The following GPHN variants were observed in gnomAD, a reference collection of about 807,000 sequenced individuals.
GPHN encodes the protein gephyrin.
A neutral mutation model predicts 95.5 loss-of-function variants in GPHN; 17 were observed. That is an observed-to-expected ratio of 0.18 (90% CI 0.12 to 0.27). The LOEUF (loss-of-function observed/expected upper bound fraction) is 0.27. Among genes scored for constraint, GPHN ranks in the 10% least tolerant of loss-of-function variants. The pLI is 1.00. For missense variants in GPHN, 660 were observed against 978.1 expected, an observed-to-expected ratio of 0.67 and a Z score of 4.34; for synonymous variants, 320 against 322.5, an observed-to-expected ratio of 0.99 and a Z score of 0.08.
intron 4 of GPHN, among the ~76,000 whole-genome samples, chr14:66,828,920 A>G (rs1203871508): frequency 1.8e-4 from 28 of 152,116 alleles, no homozygotes; most frequent in Non-Finnish European, 1.0e-4. Flanking sequence ...GCATCATAGA[A>G]TATGGTTCAT....
chr14:66,557,282 T>TAGATAGATAGATAGATAGAA (rs1555342980), intron 1 of GPHN, among the ~76,000 whole-genome samples: 8 of 147,244 alleles, frequency 5.4e-5, no homozygotes, highest in East Asian at 2.0e-4. Context: ...GATAGATAGA[T>TAGATAGATAGATAGATAGAA]AGAATGAATT....
intron 3 of GPHN, among the ~76,000 whole-genome samples, chr14:66,794,971 A>T (rs1209909191): frequency 1.3e-5 from 2 of 152,136 alleles, no homozygotes; most frequent in Admixed American, 6.6e-5. Flanking sequence ...TGCCAGGTAC[A>T]GTAGCACATG....
chr14:67,604,969 T>C, the GPHN span, among the ~76,000 whole-genome samples: 21 of 152,338 alleles, frequency 1.4e-4, 2 homozygotes, highest in South Asian at 4.4e-3. Context: ...TGTTCTATTT[T>C]GTCTTCCCTT....
the GPHN span, among the ~76,000 whole-genome samples, chr14:67,574,768 A>T: frequency 6.6e-6 from 1 of 152,118 alleles, no homozygotes; most frequent in Admixed American, 6.5e-5. The surrounding 1 kb of genome is among the most constrained non-coding windows in gnomAD (Gnocchi z 4.2). Flanking sequence ...TCAAAGACTT[A>T]AAGTATCCCA....
intron 16 of GPHN, among the ~76,000 whole-genome samples, chr14:67,121,258 T>G (rs2078997646): frequency 1.3e-5 from 2 of 152,182 alleles, no homozygotes; most frequent in South Asian, 4.1e-4. Flanking sequence ...GACCCCCTAC[T>G]CTTAGGTATT....
intron 11 of GPHN, 77 bp from the exon 12 acceptor site, chr14:67,088,906 A>G (rs911921932): frequency 1.2e-6 from 1 of 811,654 alleles, no homozygotes; most frequent in Admixed American, 1.8e-5. Flanking sequence ...ACAAGCACTC[A>G]TGCCCATCTT....
intron 2 of GPHN, among the ~76,000 whole-genome samples, chr14:66,748,103 C>A (rs1462630482): frequency 6.6e-6 from 1 of 151,964 alleles, no homozygotes; most frequent in Non-Finnish European, 1.5e-5. Flanking sequence ...CTCAAGCTAT[C>A]ATCTTTGAGA....
chr14:66,694,201 A>T (rs950501498), intron 2 of GPHN, among the ~76,000 whole-genome samples: 7 of 152,268 alleles, frequency 4.6e-5, no homozygotes, highest in Non-Finnish European at 8.8e-5. Context: ...TGTCCCTAAT[A>T]AAAGAGGCCT....
chr14:67,123,992 C>T (rs2079154098), intron 17 of GPHN, among the ~76,000 whole-genome samples: 1 of 151,796 alleles, frequency 6.6e-6, no homozygotes, highest in Non-Finnish European at 1.5e-5. Flanking sequence ...TTTTGAAGTT[C>T]TCTTCTTTCC....
chr14:66,590,205 G>A (rs540153292), intron 1 of GPHN, among the ~76,000 whole-genome samples: 3 of 152,248 alleles, frequency 2.0e-5, no homozygotes, highest in African/African-American at 7.2e-5. Context: ...AGCACTAAAT[G>A]CCCACAGGAG....
At chr14:67,636,699 C>A in the GPHN span, among the ~76,000 whole-genome samples, 1 of 152,180 alleles carries the variant, frequency 6.6e-6, no homozygotes, top group African/African-American at 2.4e-5. Context: ...ACATCTGGGC[C>A]TGAAAGATCA....
intron 10 of GPHN, among the ~76,000 whole-genome samples, chr14:67,050,839 A>G (rs1440986343): frequency 6.8e-6 from 1 of 147,854 alleles, no homozygotes; most frequent in African/African-American, 2.5e-5. Context: ...GAGGAAAAGC[A>G]GAGTGGAGTG....
intron 2 of GPHN, among the ~76,000 whole-genome samples, chr14:66,764,732 A>G (rs1320936562): frequency 6.6e-6 from 1 of 152,164 alleles, no homozygotes; most frequent in African/African-American, 2.4e-5. Flanking sequence ...TCATCAAGAA[A>G]AATCAGTAAA....
chr14:67,353,636 T>TGC, the GPHN span: 2 of 152,214 alleles, frequency 1.3e-5, no homozygotes, highest in Admixed American at 6.6e-5. Flanking sequence ...TACAGGCGTA[T>TGC]GCCACCAAGC....
chr14:67,363,238 G>A, the GPHN span, among the ~76,000 whole-genome samples: 3,229 of 150,442 alleles, frequency 0.021, 131 homozygotes, highest in African/African-American at 0.075. Flanking sequence ...GTTTAAAAAC[G>A]AAACAAACAG....
At chr14:67,684,455 A>G in the GPHN span, 2 of 152,250 alleles carry the variant, frequency 1.3e-5, no homozygotes, top group Non-Finnish European at 2.9e-5. Flanking sequence ...GGCTCAGTGC[A>G]CTATTTTATC....
At chr14:67,308,546 C>CTT in the GPHN span, among the ~76,000 whole-genome samples, 174 of 131,802 alleles carry the variant, frequency 1.3e-3, no homozygotes, top group African/African-American at 4.1e-3. Flanking sequence ...TTTTCTTTTT[C>CTT]TTTTTTTTTT....
chr14:66,910,368 A>C (rs1022490069), intron 5 of GPHN, among the ~76,000 whole-genome samples: 2 of 151,990 alleles, frequency 1.3e-5, no homozygotes, highest in Admixed American at 1.3e-4. Flanking sequence ...TCTGTCATCT[A>C]TTCGGCCAAA....
the GPHN span, among the ~76,000 whole-genome samples, chr14:67,509,663 C>T: frequency 6.6e-6 from 1 of 152,096 alleles, no homozygotes; most frequent in East Asian, 1.9e-4. Flanking sequence ...CCACTTTTAC[C>T]CTCTCCCCAA....
Sources: gnomAD v4.1 joint callset for allele counts (sites outside exome capture counted in the v4.1 genomes callset) on GRCh38, gnomAD v4.1.1 for gene constraint, Gnocchi (gnomAD v3.1) non-coding constraint, MANE v1.5 for transcripts, NCBI Gene and HGNC (gene_info 2026-07-23, HGNC 2026-07-21) for gene names.